KCNQ3: variants seen among roughly 807,000 people sequenced by gnomAD.
KCNQ3 encodes potassium voltage-gated channel subfamily KQT member 3.
Under a neutral mutation model 92.5 loss-of-function variants are expected in KCNQ3, and 30 were observed. The observed-to-expected ratio is 0.32, with a 90% CI of 0.24 to 0.44. The LOEUF (loss-of-function observed/expected upper bound fraction) is 0.44. Among genes scored for constraint, KCNQ3 ranks in the 20% least tolerant of loss-of-function variants. The pLI, the probability that KCNQ3 is intolerant of heterozygous loss-of-function variation, is 1.00. For missense variants in KCNQ3, 913 were observed against 1,140.3 expected (o/e 0.80, Z 2.87); for synonymous variants, 450 against 468.8 (o/e 0.96, Z 0.52).
chr8:132,257,985 A>G (rs1185948467), intron 1 of KCNQ3, among the ~76,000 whole-genome samples: 1 of 152,216 alleles, frequency 6.6e-6, no homozygotes, highest in African/African-American at 2.4e-5. Context: ...CATGTATGCA[A>G]GTGATAACAG....
intron 1 of KCNQ3, among the ~76,000 whole-genome samples, chr8:132,301,744 G>A (rs1563848861): frequency 6.6e-6 from 1 of 152,070 alleles, no homozygotes; most frequent in Non-Finnish European, 1.5e-5. Flanking sequence ...ACAGAAATGG[G>A]ATCAGACTGG....
At chr8:132,173,023 C>T (rs2130122967) in intron 6 of KCNQ3, among the ~76,000 whole-genome samples, 1 of 152,280 alleles carries the variant, frequency 6.6e-6, no homozygotes, top group South Asian at 2.1e-4. Context: ...ATACCTAATG[C>T]ATGATTAGAA....
rs370250223 is a variant in KCNQ3, at chr8:132,170,354, G to C, written c.1215C>G (p.Val405=). The C allele has an allele frequency of 6.2e-7, 1 of 1,613,652 alleles. No homozygotes were observed. The change falls in exon 8 of 15, where the codon GTC becomes GTG. Residue 405 remains valine, a synonymous_variant. Coordinates refer to ENST00000388996, the MANE Select transcript of KCNQ3 (RefSeq NM_004519.4). ...CTTGCCTGAAGAAAGGAAAAGAGAC[G>C]ACTGATTCATAAAATCTCCATGTCG... ...LVATWRFYES[V]VSFPFFRKEQ... is the part of the protein sequence containing the mutation.
At chr8:132,232,621 A>G (rs1308919521) in intron 1 of KCNQ3, among the ~76,000 whole-genome samples, 1 of 152,256 alleles carries the variant, frequency 6.6e-6, no homozygotes, top group African/African-American at 2.4e-5. Context: ...ACATGGCTGT[A>G]CATCCTTAAC....
chr8:132,263,106 G>A (rs528415747), intron 1 of KCNQ3, among the ~76,000 whole-genome samples: 34 of 152,118 alleles, frequency 2.2e-4, no homozygotes, highest in Non-Finnish European at 3.8e-4. Context: ...CCCACTGAGC[G>A]CAATTAAGCT....
At chr8:132,365,746 A>G (rs1202030740) in intron 1 of KCNQ3, among the ~76,000 whole-genome samples, 5 of 152,330 alleles carry the variant, frequency 3.3e-5, no homozygotes, top group Admixed American at 3.3e-4. Flanking sequence ...AAGTACCACT[A>G]TGGCTTGGCG....
intron 1 of KCNQ3, among the ~76,000 whole-genome samples, chr8:132,329,246 C>T (rs1027297178): frequency 6.6e-6 from 1 of 152,154 alleles, no homozygotes; most frequent in African/African-American, 2.4e-5. Flanking sequence ...AAATGGCACG[C>T]CTTCCTCCTG....
chr8:132,351,966 G>A (rs754592518), intron 1 of KCNQ3, among the ~76,000 whole-genome samples: 11 of 152,132 alleles, frequency 7.2e-5, no homozygotes, highest in Non-Finnish European at 1.5e-4. Context: ...CTCTCAGCAG[G>A]GAAGGAAGTC....
chr8:132,189,186 T>C (rs1164855450), intron 1 of KCNQ3, among the ~76,000 whole-genome samples: 1 of 152,182 alleles, frequency 6.6e-6, no homozygotes, highest in Non-Finnish European at 1.5e-5. Context: ...ACTTTTGCCA[T>C]GTCCCCATCA....
At position 132,237,343 on chromosome 8, in the gene KCNQ3, T is replaced by C. The variant is rs192984655; in HGVS notation, c.387-51162A>G. Among the ~76,000 whole-genome samples, 87 of 152,312 alleles carry C rather than the reference T, an allele frequency of 5.7e-4. 1 individual carries two copies. The highest frequency in any genetic ancestry group is 9.8e-4 in the Admixed American group (15 of 15,302). On this transcript the variant is annotated intron_variant, in intron 1 of 14. Transcript: ENST00000388996. ...TCTACTCTGTGTTCCAGGCATTGTT[T>C]TCAGTGCTGTGCATATAATATGTCA...
At chr8:132,383,191 C>T (rs1008553565) in intron 1 of KCNQ3, among the ~76,000 whole-genome samples, 1 of 152,180 alleles carries the variant, frequency 6.6e-6, no homozygotes, top group African/African-American at 2.4e-5. Flanking sequence ...GCTCACCCAC[C>T]CCAATGAAGA....
At position 132,137,413 on chromosome 8, in the gene KCNQ3, G is replaced by T. The variant is rs777602977; in HGVS notation, c.1700+472C>A. 1.2e-4 allele frequency among the ~76,000 whole-genome samples: 19 copies of T among 152,150 alleles called. 1 individual carries two copies. Among genetic ancestry groups the T allele is most frequent in the Admixed American group, 1.2e-3 (19 of 15,282 alleles). On this transcript the variant is annotated intron_variant, in intron 12 of 14. Transcript: ENST00000388996. ...TGATTTCATAAGGGAGTATAAACACGCAGGTGGAGTACTCAGGAGTTCAAT... is the reference window on the plus strand; with the variant it reads ...TGATTTCATAAGGGAGTATAAACACTCAGGTGGAGTACTCAGGAGTTCAAT...
chr8:132,417,108 G>A (rs867977548), intron 1 of KCNQ3, among the ~76,000 whole-genome samples: 2 of 152,220 alleles, frequency 1.3e-5, no homozygotes, highest in Non-Finnish European at 2.9e-5. Context: ...CAGGCTGTAC[G>A]AGTCTGATCC....
At chr8:132,479,506 A>T (rs1381441251) in intron 1 of KCNQ3, among the ~76,000 whole-genome samples, 1 of 151,922 alleles carries the variant, frequency 6.6e-6, no homozygotes, top group African/African-American at 2.4e-5. Context: ...ACACGTTCCC[A>T]TTCACTTCCC....
intron 1 of KCNQ3, among the ~76,000 whole-genome samples, chr8:132,354,446 G>A (rs149841706): frequency 6.6e-6 from 1 of 152,228 alleles, no homozygotes; most frequent in African/African-American, 2.4e-5. Context: ...ATCAAAACAG[G>A]GGGCATTAGT....
chr8:132,135,673 A>G (rs1040574893), intron 12 of KCNQ3, among the ~76,000 whole-genome samples: 2 of 152,044 alleles, frequency 1.3e-5, no homozygotes, highest in Non-Finnish European at 2.9e-5. Context: ...CATGCCTTAG[A>G]CATCATGCTT....
At chr8:132,454,840 T>A (rs924772207) in intron 1 of KCNQ3, among the ~76,000 whole-genome samples, 1 of 152,202 alleles carries the variant, frequency 6.6e-6, no homozygotes, top group Non-Finnish European at 1.5e-5. Context: ...TGTAATATTA[T>A]ACAGCCACTA....
intron 1 of KCNQ3, among the ~76,000 whole-genome samples, chr8:132,244,124 C>T (rs1815082466): frequency 6.6e-6 from 1 of 152,148 alleles, no homozygotes; most frequent in Non-Finnish European, 1.5e-5. Context: ...GGGTCAGAGA[C>T]CAGATAGTTC....
intron 1 of KCNQ3, chr8:132,447,146 T>C (rs112662878): frequency 3.6e-4 from 515 of 1,442,020 alleles, no homozygotes; most frequent in African/African-American, 3.0e-3. Flanking sequence ...GGACTCTGAG[T>C]CCATCTTAGG....
Sources: allele counts gnomAD v4.1 joint callset (sites outside exome capture counted in the v4.1 genomes callset), GRCh38; gene constraint gnomAD v4.1.1; transcripts MANE v1.5; gene names NCBI Gene and HGNC (gene_info 2026-07-23, HGNC 2026-07-21).